NRXN1: variants seen among roughly 807,000 people sequenced by gnomAD.
NRXN1 encodes the protein neurexin 1.
In NRXN1, 39 loss-of-function variants were observed where a neutral mutation model predicts 150.9. The observed-to-expected ratio is 0.26, with a 90% CI of 0.20 to 0.34. The LOEUF (loss-of-function observed/expected upper bound fraction) is 0.34. Among genes scored for constraint, NRXN1 ranks in the 10% least tolerant of loss-of-function variants. The pLI is 1.00. For missense variants in NRXN1, 1,815 were observed against 1,949.9 expected, an observed-to-expected ratio of 0.93 and a Z score of 1.30; for synonymous variants, 924 against 757.0, an observed-to-expected ratio of 1.22 and a Z score of -3.62.
intron 2 of NRXN1, among the ~76,000 whole-genome samples, chr2:50,928,033 G>C (rs1385995438): frequency 6.6e-6 from 1 of 151,864 alleles, no homozygotes; most frequent in African/African-American, 2.4e-5. Context: ...ATAGATACAA[G>C]CCTAGGTTTT....
chr2:49,973,615 G>GCACACACA (rs34492177), intron 21 of NRXN1, among the ~76,000 whole-genome samples: 3 of 147,964 alleles, frequency 2.0e-5, no homozygotes, highest in Non-Finnish European at 4.5e-5. Context: ...ACATACATAT[G>GCACACACA]CACACACACA....
intron 18 of NRXN1, among the ~76,000 whole-genome samples, chr2:50,222,299 C>G (rs544444): frequency 6.6e-6 from 1 of 151,824 alleles, no homozygotes; most frequent in Non-Finnish European, 1.5e-5. Flanking sequence ...TTGGTTTCAC[C>G]GCTATACTAG....
intron 18 of NRXN1, among the ~76,000 whole-genome samples, chr2:50,172,446 A>C (rs537572683): frequency 1.3e-5 from 2 of 152,178 alleles, no homozygotes; most frequent in East Asian, 3.9e-4. Flanking sequence ...ACATCACTCT[A>C]TGGACAACAG....
chr2:50,229,688 G>C (rs565703069), intron 18 of NRXN1, among the ~76,000 whole-genome samples: 13 of 152,126 alleles, frequency 8.5e-5, no homozygotes, highest in African/African-American at 3.1e-4. Flanking sequence ...ATAAATGTTT[G>C]CTCTTTTAAG....
chr2:51,022,157 C>T (rs909327526), intron 2 of NRXN1, among the ~76,000 whole-genome samples: 1 of 151,932 alleles, frequency 6.6e-6, no homozygotes, highest in African/African-American at 2.4e-5. Context: ...AAAATAGTGT[C>T]GGTGGAAATA....
intron 21 of NRXN1, among the ~76,000 whole-genome samples, chr2:50,031,414 T>C (rs1426003437): frequency 6.6e-6 from 1 of 152,100 alleles, no homozygotes; most frequent in Non-Finnish European, 1.5e-5. Flanking sequence ...GGGATATTTT[T>C]CTTATCCATA....
chr2:50,251,442 T>A (rs576628345), intron 17 of NRXN1, among the ~76,000 whole-genome samples: 1 of 152,238 alleles, frequency 6.6e-6, no homozygotes, highest in East Asian at 1.9e-4. Flanking sequence ...GATGGGCATT[T>A]GGAGTGGTTC....
intron 21 of NRXN1, among the ~76,000 whole-genome samples, chr2:50,030,702 T>A (rs925006675): frequency 6.6e-6 from 1 of 152,136 alleles, no homozygotes; most frequent in African/African-American, 2.4e-5. Flanking sequence ...CAACTTGAAA[T>A]ATGTTGTAAG....
intron 5 of NRXN1, among the ~76,000 whole-genome samples, chr2:50,754,931 C>A (rs1221167998): frequency 6.6e-6 from 1 of 151,888 alleles, no homozygotes; most frequent in Non-Finnish European, 1.5e-5. Context: ...TTTCATTTCA[C>A]AAGTTGGTTC....
At chr2:50,903,890 G>A (rs1432163342) in intron 5 of NRXN1, among the ~76,000 whole-genome samples, 9 of 152,176 alleles carry the variant, frequency 5.9e-5, no homozygotes, top group South Asian at 2.1e-4. Context: ...GATCTGAAAC[G>A]CCGGCTGTAG....
intron 2 of NRXN1, among the ~76,000 whole-genome samples, chr2:50,992,809 G>A (rs1224088055): frequency 6.6e-6 from 1 of 151,870 alleles, no homozygotes; most frequent in African/African-American, 2.4e-5. Context: ...AATAGTTTAT[G>A]CAGACAATTA....
At chr2:50,373,300 A>ATTT (rs2080170858) in intron 17 of NRXN1, among the ~76,000 whole-genome samples, 1 of 141,670 alleles carries the variant, frequency 7.1e-6, no homozygotes. Flanking sequence ...ATTTTTTATT[A>ATTT]TTATTATTAT....
chr2:50,136,600 A>AC (rs1574105757), intron 18 of NRXN1, among the ~76,000 whole-genome samples: 1 of 152,000 alleles, frequency 6.6e-6, no homozygotes, highest in African/African-American at 2.4e-5. Context: ...GGTGTCATGG[A>AC]CCCCGGGATG....
chr2:50,979,177 G>A (rs889960905), intron 2 of NRXN1: 14 of 493,520 alleles, frequency 2.8e-5, no homozygotes, highest in Non-Finnish European at 4.8e-5. Context: ...CATGGTCATC[G>A]TATGTAATTT....
intron 5 of NRXN1, among the ~76,000 whole-genome samples, chr2:50,642,394 A>G (rs953285434): frequency 6.6e-6 from 1 of 152,052 alleles, no homozygotes; most frequent in African/African-American, 2.4e-5. Context: ...TTTAAAATTT[A>G]GGAGATTTGA....
In NRXN1 at chr2:50,941,716, C is replaced by T. The variant is rs551103867; in HGVS notation, c.773-15761G>A. Among the ~76,000 whole-genome samples the T allele has an allele frequency of 4.6e-5, 7 of 152,140 alleles. No homozygotes were observed. The East Asian group carries it at 1.2e-3, about 25-fold the overall frequency. ...TTTTCCGAAAGTGTACAGTCACATA[C>T]GTTCACAAACAGATTACCTGATATT... On this transcript the variant is annotated intron_variant, in intron 2 of 22. Transcript: ENST00000401669.
intron 5 of NRXN1, among the ~76,000 whole-genome samples, chr2:50,879,747 T>C (rs144348338): frequency 8.5e-5 from 13 of 152,076 alleles, no homozygotes; most frequent in African/African-American, 3.1e-4. Flanking sequence ...TTTTTCTTGC[T>C]ATTCTGAAGT....
At chr2:50,089,094 A>G (rs143542197) in intron 19 of NRXN1, among the ~76,000 whole-genome samples, 121 of 152,330 alleles carry the variant, frequency 7.9e-4, no homozygotes, top group African/African-American at 2.7e-3. Context: ...AACTTAGCTT[A>G]ACCCAGAATT....
intron 17 of NRXN1, among the ~76,000 whole-genome samples, chr2:50,442,892 G>A (rs1168622518): frequency 6.6e-6 from 1 of 152,096 alleles, no homozygotes; most frequent in Non-Finnish European, 1.5e-5. Context: ...GTATTGAGTA[G>A]GATGATTAGA....
Sources: allele counts gnomAD v4.1 joint callset (sites outside exome capture counted in the v4.1 genomes callset), GRCh38; gene constraint gnomAD v4.1.1; transcripts MANE v1.5; gene names NCBI Gene and HGNC (gene_info 2026-07-23, HGNC 2026-07-21).